LPP: variants seen among roughly 807,000 people sequenced by gnomAD.
LPP encodes the protein lipoma-preferred partner.
Under a neutral mutation model 60.4 loss-of-function variants are expected in LPP, and 38 were observed. That is an observed-to-expected ratio of 0.63 (90% CI 0.49 to 0.83). The LOEUF (loss-of-function observed/expected upper bound fraction) is 0.83. LPP is among the 40% of genes least tolerant of loss of function. LPP has a pLI of 0.00. For synonymous variants in LPP, 328 were observed against 290.8 expected (o/e 1.13, Z -1.30); for missense variants, 902 against 783.6 (o/e 1.15, Z -1.80).
chr3:188,310,358 A>G (rs1644135618), intron 2 of LPP, among the ~76,000 whole-genome samples: 1 of 152,084 alleles, frequency 6.6e-6, no homozygotes, highest in South Asian at 2.1e-4. Flanking sequence ...CCATGTTCAC[A>G]AGGAGAGACA....
At chr3:188,682,704 G>C (rs1055401510) in intron 7 of LPP, among the ~76,000 whole-genome samples, 7 of 152,194 alleles carry the variant, frequency 4.6e-5, no homozygotes, top group African/African-American at 1.7e-4. Context: ...TTACTAAGTT[G>C]TACTGAATGT....
At chr3:188,373,752 T>C (rs1192705744) in intron 3 of LPP, among the ~76,000 whole-genome samples, 1 of 152,134 alleles carries the variant, frequency 6.6e-6, no homozygotes, top group Non-Finnish European at 1.5e-5. Context: ...TTGCCATTGC[T>C]TTTGGTGTTT....
chr3:188,518,680 C>T (rs982596704), intron 5 of LPP, among the ~76,000 whole-genome samples: 2 of 152,180 alleles, frequency 1.3e-5, no homozygotes, highest in African/African-American at 4.8e-5. Flanking sequence ...TGGTTGTCTA[C>T]CTCAGAGATT....
chr3:188,239,927 T>C (rs145200857), intron 2 of LPP: 1 of 204,236 alleles, frequency 4.9e-6, no homozygotes, highest in Non-Finnish European at 1.0e-5. Flanking sequence ...TCAAAATTGG[T>C]AGATCATTTG....
rs190347149 is a variant in LPP at position 188,449,337 on chromosome 3, T to G, written c.194-35255T>G. On this transcript the variant is annotated intron_variant, in intron 4 of 11. Transcript: ENST00000617246. ...CTCATCCTTTCTCCTTCTTCCATTC[T>G]CCCTTCCACCTCACAGAAGCCTAAC... Among the ~76,000 whole-genome samples the G allele has an allele frequency of 4.6e-5, 7 of 152,302 alleles. No homozygotes were observed. The East Asian group carries it at 9.6e-4, about 21-fold the overall frequency.
At chr3:188,443,404 C>T in intron 4 of LPP, among the ~76,000 whole-genome samples, 1 of 152,212 alleles carries the variant, frequency 6.6e-6, no homozygotes, top group African/African-American at 2.4e-5. Context: ...GGCTCTGTGG[C>T]CTGGCAGGGT....
At chr3:188,651,244 C>T (rs2148969606) in intron 7 of LPP, among the ~76,000 whole-genome samples, 1 of 152,224 alleles carries the variant, frequency 6.6e-6, no homozygotes, top group East Asian at 1.9e-4. Context: ...TTCCAGGAAC[C>T]CTTAGTCTGT....
intron 2 of LPP, among the ~76,000 whole-genome samples, chr3:188,308,489 C>A (rs10937344): frequency 0.36 from 54,269 of 151,984 alleles, 10,559 homozygotes; most frequent in East Asian, 0.67. Context: ...TGCTTGTGAC[C>A]CATCTGAAAA....
At position 188,663,654 on chromosome 3, in the gene LPP, T is replaced by G. The variant is rs146159114; in HGVS notation, c.1114-44613T>G. ...AAGAGAAAAGCTGCAGTAAGGATTT[T>G]TTCAGGACTGTAATTGGGCAAATGA... On this transcript the variant is annotated intron_variant, in intron 7 of 11. Coordinates refer to ENST00000617246, the MANE Select transcript of LPP (RefSeq NM_001375462.1). Among the ~76,000 whole-genome samples, 511 of 152,304 alleles carry G rather than the reference T, an allele frequency of 3.4e-3. 1 individual carries two copies. The highest frequency in any genetic ancestry group is 6.4e-3 in the Non-Finnish European group (436 of 68,030).
chr3:188,688,101 C>T lies in LPP; in HGVS notation c.1114-20166C>T, dbSNP rs74523085. On this transcript the variant is annotated intron_variant, in intron 7 of 11. Coordinates refer to ENST00000617246, the MANE Select transcript of LPP (RefSeq NM_001375462.1). Reference sequence around the variant, plus strand: ...GAGAGGCACTGCATGCCAAATGAGACTTAGTTTTTCCAAAGTACTTGGGAG... The same window carrying T: ...GAGAGGCACTGCATGCCAAATGAGATTTAGTTTTTCCAAAGTACTTGGGAG... 8.3e-3 allele frequency among the ~76,000 whole-genome samples: 1,263 copies of T among 152,274 alleles called. 12 individuals are homozygous for T. Among genetic ancestry groups the T allele is most frequent in the African/African-American group, 0.028 (1,160 of 41,532 alleles).
At chr3:188,252,312 CTTCTT>C (rs367750276) in intron 2 of LPP, among the ~76,000 whole-genome samples, 2 of 145,332 alleles carry the variant, frequency 1.4e-5, no homozygotes, top group African/African-American at 5.1e-5. Flanking sequence ...CACTCCCTCT[CTTCTT>C]TTCTTCTTCT....
rs34203235 is a variant in LPP at position 188,793,184 on chromosome 3, C to CT, written c.1410+32918dup. Among the ~76,000 whole-genome samples, 144 of 137,602 alleles carry CT rather than the reference C, an allele frequency of 1.0e-3. 1 individual carries two copies. The highest frequency in any genetic ancestry group is 3.6e-3 in the Middle Eastern group (1 of 276). The allele number at this position is 137,602 out of a possible 152,430, so 90.3% of individuals were successfully genotyped here. ...GTCAAGCCTCCCTTTCTCATTTATC[C>CT]TTTTTTTTTTTTTTTTGAGATGAAG... On this transcript the variant is annotated intron_variant, in intron 9 of 11. Coordinates refer to ENST00000617246, the MANE Select transcript of LPP (RefSeq NM_001375462.1).
intron 2 of LPP, among the ~76,000 whole-genome samples, chr3:188,317,513 C>T (rs898384433): frequency 2.0e-5 from 3 of 152,088 alleles, no homozygotes; most frequent in South Asian, 2.1e-4. Flanking sequence ...TCTTTTGTAC[C>T]TAACTTATTA....
At chr3:188,294,056 CAAAAAAAA>C (rs61312510) in intron 2 of LPP, among the ~76,000 whole-genome samples, 6 of 39,408 alleles carry the variant, frequency 1.5e-4, no homozygotes, top group African/African-American at 3.4e-4. Flanking sequence ...CAAACTCTGT[CAAAAAAAA>C]AAAAAAAAAA....
chr3:188,249,401 A>T (rs1009503592), intron 2 of LPP, among the ~76,000 whole-genome samples: 3 of 151,856 alleles, frequency 2.0e-5, no homozygotes, highest in African/African-American at 7.3e-5. Context: ...GTGAGCTGAG[A>T]TTGTGCCACT....
At chr3:188,403,540 A>G (rs1225283879) in intron 3 of LPP, among the ~76,000 whole-genome samples, 2 of 152,336 alleles carry the variant, frequency 1.3e-5, no homozygotes, top group East Asian at 1.9e-4. Flanking sequence ...TTTCACACTT[A>G]TATTCACTTT....
At chr3:188,353,633 T>G (rs1766618872) in intron 3 of LPP, among the ~76,000 whole-genome samples, 1 of 152,230 alleles carries the variant, frequency 6.6e-6, no homozygotes, top group Non-Finnish European at 1.5e-5. Flanking sequence ...TCTTACTTCA[T>G]TGACAGTGGT....
At chr3:188,530,996 G>T (rs1237518717) in intron 6 of LPP, among the ~76,000 whole-genome samples, 1 of 152,142 alleles carries the variant, frequency 6.6e-6, no homozygotes, top group East Asian at 1.9e-4. Flanking sequence ...TCAGAGTTAG[G>T]GTACAGTATT....
rs370784686 is a variant in LPP at position 188,550,971 on chromosome 3, G to T, written c.429+26184G>T. Among the ~76,000 whole-genome samples the T allele has an allele frequency of 3.6e-4, 55 of 152,192 alleles. 1 individual carries two copies. The South Asian group carries it at 7.3e-3, about 20-fold the overall frequency. ...GAGCTTGTTTCTACAGAAGGAGTTT[G>T]GTTCATAAGATGTTTTCCATAAGAA... On this transcript the variant is annotated intron_variant, in intron 6 of 11. Transcript: ENST00000617246.
Sources: allele counts gnomAD v4.1 joint callset (sites outside exome capture counted in the v4.1 genomes callset), GRCh38; gene constraint gnomAD v4.1.1; transcripts MANE v1.5; gene names NCBI Gene and HGNC (gene_info 2026-07-23, HGNC 2026-07-21).